CEP295: variants seen among roughly 807,000 people sequenced by gnomAD.
The protein encoded by CEP295 is centrosomal protein 295.
In CEP295, 190 loss-of-function variants were observed where a neutral mutation model predicts 291.6. The ratio of observed to expected loss-of-function variants is 0.65; its 90% CI spans 0.58 to 0.73. CEP295 has a LOEUF of 0.73. Ranked by LOEUF, CEP295 falls within the 30% of genes least tolerant of loss-of-function variation. The pLI is 0.00. For synonymous variants in CEP295, 993 were observed against 1,038.8 expected (o/e 0.96, Z 0.85); for missense variants, 2,863 against 2,949.4 (o/e 0.97, Z 0.68).
chr11:93,696,324 G>A lies in CEP295; in HGVS notation c.1676G>A (p.Gly559Asp), dbSNP rs1240189482. The change falls in exon 14 of 30, where the codon GGC becomes GAC. Residue 559 changes from glycine to aspartate, a missense_variant. Physicochemically the swap from Gly to Asp is moderately conservative, Grantham distance 94 (BLOSUM62 -1). This residue lies in a region of CEP295 where 2,295 missense variants were observed against 2,335.7 expected (regional missense o/e 0.98). Transcript: ENST00000325212. Reference sequence around the variant, plus strand: ...AGTAACTTTGTCTTTTATTAGGTTGGCATTGCTCCAGCATCATGCCCTGTA... The same window carrying A: ...AGTAACTTTGTCTTTTATTAGGTTGACATTGCTCCAGCATCATGCCCTGTA... ...KRKKTQPTGV[G>D]IAPASCPVIS... 7 of 1,541,006 alleles carry A rather than the reference G, an allele frequency of 4.5e-6. No individual in the cohort carries two copies. In the Admixed American group the frequency reaches 6.0e-5, roughly 13 times the overall value.
chr11:93,682,669 A>T (rs1456581361), intron 7 of CEP295, among the ~76,000 whole-genome samples: 2 of 151,538 alleles, frequency 1.3e-5, no homozygotes, highest in East Asian at 3.9e-4. Context: ...TTTGCTGCAT[A>T]CTGTATTGTG....
chr11:93,684,263 G>T, intron 9 of CEP295, 135 bp downstream of exon 9: 2 of 637,980 alleles, frequency 3.1e-6, no homozygotes, highest in South Asian at 2.5e-5. Context: ...AGTAGCTAAA[G>T]GATACAACGT....
chr11:93,682,133 C>CA lies in CEP295; in HGVS notation c.766-1418dup, dbSNP rs553230788. 9.1e-4 allele frequency among the ~76,000 whole-genome samples: 137 copies of CA among 151,310 alleles called. 1 individual carries two copies. Among genetic ancestry groups the CA allele is most frequent in the African/African-American group, 3.0e-3 (124 of 41,304 alleles). ...TATAATTTTCCTTTTCAGGACATGG[C>CA]AAAAAAAATTCATCCTCAAAAGACA... On this transcript the variant is annotated intron_variant, in intron 7 of 29. Coordinates refer to ENST00000325212, the MANE Select transcript of CEP295 (RefSeq NM_033395.2).
Position 93,699,540 on chromosome 11 carries a change from C to A in CEP295, c.4628C>A (p.Ser1543Tyr). 1 of 1,551,880 alleles carries A rather than the reference C, an allele frequency of 6.4e-7. No homozygotes were observed. Among genetic ancestry groups the A allele is most frequent in the Non-Finnish European group, 8.7e-7 (1 of 1,147,082 alleles). The change falls in exon 15 of 30, where the codon TCT (serine) becomes TAT (tyrosine). Residue 1543 changes from serine (S) to tyrosine (Y), a missense_variant. Physicochemically the swap from Ser to Tyr is moderately radical, Grantham distance 144. Coordinates refer to ENST00000325212, the MANE Select transcript of CEP295 (RefSeq NM_033395.2). ...AGTGAATTGGAGAAAAGGGTATCAT[C>A]TGAACAAGTTTGCTCCTCTTCATTT... ...RLSELEKRVS[S>Y]EQVCSSSFVS... is the part of the protein sequence containing the mutation.
chr11:93,683,511 A>G (rs1203982304), intron 7 of CEP295, 48 bp from the exon 8 acceptor site: 7 of 1,356,154 alleles, frequency 5.2e-6, no homozygotes, highest in South Asian at 3.1e-5. Context: ...TAATATTACC[A>G]TACAAAGTTT....
At chr11:93,711,016 G>T (rs1338517786) in intron 18 of CEP295, among the ~76,000 whole-genome samples, 2 of 151,978 alleles carry the variant, frequency 1.3e-5, no homozygotes, top group Non-Finnish European at 2.9e-5. Flanking sequence ...TCTGACTAAA[G>T]ATCTGTCAAT....
At chr11:93,722,750 G>T (rs1258163610) in intron 20 of CEP295, 1 of 263,446 alleles carries the variant, frequency 3.8e-6, no homozygotes, top group Non-Finnish European at 7.4e-6. Flanking sequence ...ATATAGTGTC[G>T]CTGTCAATTA....
Position 93,698,770 on chromosome 11 carries a change from T to C in CEP295, c.3858T>C (p.Thr1286=), listed in dbSNP as rs773975368. The C allele has an allele frequency of 1.9e-5, 30 of 1,551,640 alleles. No homozygotes were observed. Among genetic ancestry groups the C allele is most frequent in the Non-Finnish European group, 2.4e-5 (28 of 1,147,008 alleles). The change falls in exon 15 of 30, where the codon ACT becomes ACC. Residue 1286 remains threonine, a synonymous_variant. Coordinates refer to ENST00000325212, the MANE Select transcript of CEP295 (RefSeq NM_033395.2). The part of the protein sequence containing the change: ...KTQENTSSEQ[T]GSSSFIPQLV... Reference sequence around the variant, plus strand: ...AAGAAAATACATCTTCTGAACAAACTGGTTCATCTTCATTCATACCCCAGT... The same window carrying C: ...AAGAAAATACATCTTCTGAACAAACCGGTTCATCTTCATTCATACCCCAGT...
intron 18 of CEP295, among the ~76,000 whole-genome samples, chr11:93,708,234 T>C (rs1952649115): frequency 6.6e-6 from 1 of 152,168 alleles, no homozygotes; most frequent in South Asian, 2.1e-4. Flanking sequence ...TTCACTATAG[T>C]CACCCTGTTT....
In CEP295 at chr11:93,707,530, A is replaced by G. The variant is rs114186110; in HGVS notation, c.5749+633A>G. ...TGTAATCCTAGCACTTTGGGAGGCCAAGACTGGCAGATCATGAGGTCAGAA... is the reference window on the plus strand; with the variant it reads ...TGTAATCCTAGCACTTTGGGAGGCCGAGACTGGCAGATCATGAGGTCAGAA... On this transcript the variant is annotated intron_variant, in intron 18 of 29. Transcript: ENST00000325212. 7.0e-3 allele frequency among the ~76,000 whole-genome samples: 1,072 copies of G among 152,246 alleles called. 10 individuals are homozygous for G. Among genetic ancestry groups the G allele is most frequent in the African/African-American group, 0.025 (1,034 of 41,534 alleles).
At chr11:93,676,818 T>C (rs1460414302) in intron 6 of CEP295, among the ~76,000 whole-genome samples, 4 of 152,022 alleles carry the variant, frequency 2.6e-5, no homozygotes, top group Non-Finnish European at 4.4e-5. Context: ...ATCCATAAGC[T>C]TTCTTTTTTG....
At chr11:93,679,135 G>A (rs115491022) in intron 6 of CEP295, among the ~76,000 whole-genome samples, 171 of 152,280 alleles carry the variant, frequency 1.1e-3, no homozygotes, top group African/African-American at 3.8e-3. Flanking sequence ...GCGCCACCAC[G>A]CCCAGCAAGA....
At chr11:93,688,547 T>C (rs1029531328) in intron 10 of CEP295, among the ~76,000 whole-genome samples, 5 of 143,210 alleles carry the variant, frequency 3.5e-5, no homozygotes, top group Admixed American at 2.9e-4. Flanking sequence ...AAGTATTTTC[T>C]TCCCTTGGCC....
chr11:93,665,134 T>G (rs1950148683), intron 1 of CEP295, among the ~76,000 whole-genome samples: 2 of 152,184 alleles, frequency 1.3e-5, no homozygotes, highest in Admixed American at 6.5e-5. Context: ...GATGTAAATA[T>G]TCAGTAACTG....
Position 93,692,841 on chromosome 11 carries a change from C to T in CEP295, c.1533+811C>T, listed in dbSNP as rs182086699. The stretch of plus-strand genomic sequence containing the variant: ...TACAAAAATCAGCTGGGTGTGGTGA[C>T]ACAAATCTGTAGTCCCACCTACCCA... On this transcript the variant is annotated intron_variant, in intron 12 of 29. Coordinates refer to ENST00000325212, the MANE Select transcript of CEP295 (RefSeq NM_033395.2). 3.3e-5 allele frequency among the ~76,000 whole-genome samples: 5 copies of T among 151,620 alleles called. No homozygotes were observed. In the East Asian group the frequency reaches 9.7e-4, roughly 30 times the overall value.
chr11:93,691,710 A>C lies in CEP295; in HGVS notation c.1364A>C (p.Glu455Ala). 1 of 1,544,908 alleles carries C rather than the reference A, an allele frequency of 6.5e-7. No homozygotes were observed. The highest frequency in any genetic ancestry group is 1.2e-5 in the South Asian group (1 of 82,820). ...GTTGAAAGTGATACACTAACAATTG[A>C]GTCTGGACCACTTGCTAGTGAAGAT... is the stretch of plus-strand genomic sequence containing the variant. Reference protein sequence around the residue: ...QVVESDTLTIESGPLASEDKP... With the variant: ...QVVESDTLTIASGPLASEDKP... The change falls in exon 11 of 30, where the codon GAG becomes GCG. Residue 455 changes from glutamate (E) to alanine (A), a missense_variant. This residue lies in a region of CEP295 where 554 missense variants were observed against 576.0 expected (regional missense o/e 0.96). Transcript: ENST00000325212.
chr11:93,679,460 C>T lies in CEP295; in HGVS notation c.673C>T (p.Leu225=), dbSNP rs895702549. The T allele has an allele frequency of 3.2e-6, 5 of 1,551,284 alleles. No homozygotes were observed. In the African/African-American group the frequency reaches 6.8e-5, roughly 21 times the overall value. ...AGAGGAAGCTAAACGATTGGAAGAA[C>T]TACAAAAACAGGCAGCACAAGAGAG... ...AEEEAKRLEE[L]QKQAAQERME... Residue 225 remains leucine (L), a synonymous_variant, in exon 7 of 30, where the codon CTA becomes TTA. Transcript: ENST00000325212.
In CEP295 at chr11:93,725,792, G is replaced by A; in HGVS notation, c.6460G>A (p.Val2154Ile). Residue 2154 changes from valine to isoleucine, a missense_variant, in exon 23 of 30, where the codon GTT becomes ATT. Around this residue, in one of 3 missense-constraint regions of CEP295, gnomAD observed 2,295 missense variants for 2,335.7 expected, o/e 0.98. Coordinates refer to ENST00000325212, the MANE Select transcript of CEP295 (RefSeq NM_033395.2). ...ACAACCTGACACTAACTTGGCTCAT[G>A]TTGGAGCTCACAGTTTTGCTACAGA... Reference protein sequence around the residue: ...NQQPDTNLAHVGAHSFATENI... With the variant: ...NQQPDTNLAHIGAHSFATENI... 4 of 1,551,454 alleles carry A rather than the reference G, an allele frequency of 2.6e-6. No individual in the cohort carries two copies. Among genetic ancestry groups the A allele is most frequent in the Non-Finnish European group, 3.5e-6 (4 of 1,146,960 alleles).
chr11:93,705,274 T>G (rs773551905), intron 17 of CEP295, among the ~76,000 whole-genome samples: 1 of 152,158 alleles, frequency 6.6e-6, no homozygotes, highest in Non-Finnish European at 1.5e-5. Context: ...AAAAAACTTT[T>G]ACTATTTATA....
Sources: gnomAD v4.1 joint callset for allele counts (sites outside exome capture counted in the v4.1 genomes callset) on GRCh38, gnomAD v4.1.1 for gene constraint, gnomAD v4.1.1 regional missense constraint, MANE v1.5 for transcripts, NCBI Gene and HGNC (gene_info 2026-07-23, HGNC 2026-07-21) for gene names.